TOGARAM2: variants seen among roughly 807,000 people sequenced by gnomAD.
TOGARAM2 encodes TOG array regulator of axonemal microtubules protein 2.
Under a neutral mutation model 93.3 loss-of-function variants are expected in TOGARAM2, and 85 were observed. The ratio of observed to expected loss-of-function variants is 0.91; its 90% CI spans 0.76 to 1.09. TOGARAM2 has a LOEUF of 1.09. Among genes scored for constraint, TOGARAM2 ranks in the 50% least tolerant of loss-of-function variants. The probability of loss-of-function intolerance (pLI) is 0.00; values close to 1 mark genes in which losing one functional copy is unlikely to be tolerated. For missense variants in TOGARAM2, 1,277 were observed against 1,334.5 expected (o/e 0.96, Z 0.67); for synonymous variants, 593 against 552.8 (o/e 1.07, Z -1.02).
chr2:29,026,068 G>C (rs1665337951), intron 13 of TOGARAM2, among the ~76,000 whole-genome samples: 1 of 152,338 alleles, frequency 6.6e-6, no homozygotes, highest in Non-Finnish European at 1.5e-5. Context: ...GTGGATGAAA[G>C]CTATGTCCTT....
At chr2:29,005,856 G>A (rs1043654614) in intron 6 of TOGARAM2, among the ~76,000 whole-genome samples, 9 of 150,426 alleles carry the variant, frequency 6.0e-5, no homozygotes, top group African/African-American at 2.2e-4. Flanking sequence ...GCATGTGTGT[G>A]CATATGTGTC....
intron 14 of TOGARAM2, among the ~76,000 whole-genome samples, chr2:29,032,121 G>C (rs1320615346): frequency 2.0e-5 from 3 of 152,166 alleles, no homozygotes; most frequent in Non-Finnish European, 4.4e-5. Flanking sequence ...ACTGCTGCTA[G>C]AGACATTTTG....
At chr2:28,970,567 G>A (rs920282707) in intron 1 of TOGARAM2, among the ~76,000 whole-genome samples, 1 of 152,158 alleles carries the variant, frequency 6.6e-6, no homozygotes, top group Admixed American at 6.5e-5. Context: ...TCAGAGTTCT[G>A]GGTGTCCTGC....
chr2:29,045,718 A>G (rs1168137360), intron 19 of TOGARAM2: 1 of 377,034 alleles, frequency 2.7e-6, no homozygotes, highest in Non-Finnish European at 4.9e-6. Flanking sequence ...GAGCGCTGAC[A>G]TGACATTAAA....
intron 6 of TOGARAM2, among the ~76,000 whole-genome samples, chr2:29,009,113 C>T (rs1015979619): frequency 1.3e-5 from 2 of 152,156 alleles, no homozygotes; most frequent in East Asian, 1.9e-4. Context: ...GAGGTGGGTG[C>T]GTAGGCGAAG....
intron 13 of TOGARAM2, among the ~76,000 whole-genome samples, chr2:29,024,895 C>T (rs542243943): frequency 6.6e-6 from 1 of 152,304 alleles, no homozygotes; most frequent in Non-Finnish European, 1.5e-5. Flanking sequence ...CTCCAGCTTG[C>T]CCCACTGGAC....
chr2:29,004,590 C>A (rs185111621), intron 6 of TOGARAM2, among the ~76,000 whole-genome samples: 2 of 151,958 alleles, frequency 1.3e-5, no homozygotes, highest in African/African-American at 4.8e-5. Flanking sequence ...GTCTGAGTGT[C>A]TTTGTGTGTG....
rs569914720 is a variant in TOGARAM2 at position 29,013,794 on chromosome 2, G to A, written c.878-601G>A. Among the ~76,000 whole-genome samples, 8 of 152,298 alleles carry A rather than the reference G, an allele frequency of 5.3e-5. No individual in the cohort carries two copies. In the East Asian group the frequency reaches 1.2e-3, roughly 22 times the overall value. ...CTCCCAGTCCACTGACTCAAAGGTC[G>A]ATCTCCTCTGGCAGCTCCTTCACAG... On this transcript the variant is annotated intron_variant, in intron 7 of 19. Coordinates refer to ENST00000379558, the MANE Select transcript of TOGARAM2 (RefSeq NM_199280.4).
intron 1 of TOGARAM2, among the ~76,000 whole-genome samples, chr2:28,994,518 T>C (rs1439898232): frequency 6.6e-6 from 1 of 152,210 alleles, no homozygotes; most frequent in Non-Finnish European, 1.5e-5. Flanking sequence ...TTGACACTCT[T>C]CATAACGAAC....
chr2:29,030,147 G>C (rs1022042354), intron 14 of TOGARAM2, among the ~76,000 whole-genome samples: 1 of 152,094 alleles, frequency 6.6e-6, no homozygotes, highest in African/African-American at 2.4e-5. Flanking sequence ...ATGGTAGCAC[G>C]TGCCTGTGGT....
upstream of TOGARAM2, among the ~76,000 whole-genome samples, chr2:28,980,121 T>C (rs1415219449): frequency 6.6e-6 from 1 of 152,236 alleles, no homozygotes; most frequent in Admixed American, 6.5e-5. Context: ...TCTGGGCCTC[T>C]GCTACAGGGA....
At chr2:29,023,413 G>T (rs72788141) in intron 12 of TOGARAM2, among the ~76,000 whole-genome samples, 12,490 of 152,206 alleles carry the variant, frequency 0.082, 558 homozygotes, top group East Asian at 0.16. Context: ...GAAACAATTA[G>T]AATCCCACAT....
intron 10 of TOGARAM2, 110 bp downstream of exon 10, chr2:29,018,066 A>G: frequency 2.3e-6 from 3 of 1,282,746 alleles, no homozygotes; most frequent in South Asian, 3.2e-5. Context: ...CCCCTTGTCC[A>G]TGTTAGACCA....
At chr2:29,004,933 CAT>C (rs1673560135) in intron 6 of TOGARAM2, among the ~76,000 whole-genome samples, 1 of 100,706 alleles carries the variant, frequency 9.9e-6, no homozygotes, top group African/African-American at 4.5e-5. Flanking sequence ...TGTGTGAGTG[CAT>C]GTGTGTGCAT....
In TOGARAM2 at chr2:29,035,570, G is replaced by A. The variant is rs1345586171; in HGVS notation, c.2332G>A (p.Asp778Asn). 1 of 1,591,456 alleles carries A rather than the reference G, an allele frequency of 6.3e-7. No homozygotes were observed. Among genetic ancestry groups the A allele is most frequent in the South Asian group, 1.2e-5 (1 of 86,914 alleles). Residue 778 changes from aspartate to asparagine, a missense_variant, in exon 17 of 20, where the codon GAC becomes AAC. By Grantham distance (23) the Asp-to-Asn change is conservative (BLOSUM62 1). Transcript: ENST00000379558. The part of the protein sequence containing the change: ...RELTRLLEAK[D>N]FRSRMEGVGQ... Reference sequence around the variant, plus strand: ...GCTGACACGGCTGCTGGAGGCCAAGGACTTCCGGTCCCGGATGGAAGGCGT... The same window carrying A: ...GCTGACACGGCTGCTGGAGGCCAAGAACTTCCGGTCCCGGATGGAAGGCGT...
In TOGARAM2 at chr2:29,022,531, C is replaced by T. The variant is rs369218394; in HGVS notation, c.1511+223C>T. Among the ~76,000 whole-genome samples, 18 of 152,266 alleles carry T rather than the reference C, an allele frequency of 1.2e-4. 1 individual carries two copies. Among genetic ancestry groups the T allele is most frequent in the African/African-American group, 2.2e-4 (9 of 41,560 alleles). On this transcript the variant is annotated intron_variant, in intron 11 of 19. Transcript: ENST00000379558. ...TTCCTGGCTTTATGTGTGTGCCCTGCGACCCTCCAAGCAGCCTATGCATGG... is the reference window on the plus strand; with the variant it reads ...TTCCTGGCTTTATGTGTGTGCCCTGTGACCCTCCAAGCAGCCTATGCATGG...
At chr2:28,957,913 G>GA (rs1266166973) in intron 1 of TOGARAM2, among the ~76,000 whole-genome samples, 2 of 152,126 alleles carry the variant, frequency 1.3e-5, no homozygotes, top group Non-Finnish European at 2.9e-5. Flanking sequence ...CTAGGAGGGG[G>GA]ACTATGGCAT....
intron 6 of TOGARAM2, among the ~76,000 whole-genome samples, chr2:29,005,836 A>C (rs1303797386): frequency 8.7e-6 from 1 of 115,438 alleles, no homozygotes; most frequent in Non-Finnish European, 1.6e-5. Context: ...GTGCATGTGT[A>C]TGTGTCAGTG....
intron 7 of TOGARAM2, among the ~76,000 whole-genome samples, chr2:29,012,902 A>G (rs953788674): frequency 1.3e-5 from 2 of 152,206 alleles, no homozygotes; most frequent in African/African-American, 4.8e-5. Context: ...TGGGCAGATG[A>G]GGCTTCAAAG....
Sources: allele counts gnomAD v4.1 joint callset (sites outside exome capture counted in the v4.1 genomes callset), GRCh38; gene constraint gnomAD v4.1.1; transcripts MANE v1.5; gene names NCBI Gene and HGNC (gene_info 2026-07-23, HGNC 2026-07-21).